GCH1: variants seen among roughly 807,000 people sequenced by gnomAD.
GCH1 encodes GTP cyclohydrolase 1.
Under a neutral mutation model 25.9 loss-of-function variants are expected in GCH1, and 5 were observed. The ratio of observed to expected loss-of-function variants is 0.19; its 90% CI spans 0.10 to 0.41. GCH1 has a LOEUF of 0.41. Among genes scored for constraint, GCH1 ranks in the 10% least tolerant of loss-of-function variants. The probability of loss-of-function intolerance (pLI) is 1.00; values close to 1 mark genes in which losing one functional copy is unlikely to be tolerated. For missense variants in GCH1, 261 were observed against 336.5 expected (o/e 0.78, Z 1.75); for synonymous variants, 159 against 129.6 (o/e 1.23, Z -1.54).
Position 54,897,941 on chromosome 14 carries a change from G to C in GCH1, c.343+4380C>G, listed in dbSNP as rs151159180. Among the ~76,000 whole-genome samples the C allele has an allele frequency of 3.5e-3, 529 of 152,366 alleles. 9 individuals carry two copies. Among genetic ancestry groups the C allele is most frequent in the Admixed American group, 0.029 (437 of 15,300 alleles). Reference sequence around the variant, plus strand: ...TCATATCGCAAACACTGAAGGAAGAGAGTGCTAACACAAACCTAGATGAGA... The same window carrying C: ...TCATATCGCAAACACTGAAGGAAGACAGTGCTAACACAAACCTAGATGAGA... On this transcript the variant is annotated intron_variant, in intron 1 of 5. Transcript: ENST00000491895.
At chr14:54,894,554 A>G (rs2040461289) in intron 1 of GCH1, among the ~76,000 whole-genome samples, 1 of 152,140 alleles carries the variant, frequency 6.6e-6, no homozygotes, top group East Asian at 1.9e-4. Flanking sequence ...ACGAGTACCA[A>G]CCTGAAGGCT....
chr14:54,859,894 T>A (rs2039868684), intron 2 of GCH1, among the ~76,000 whole-genome samples, 158 bp from the exon 3 acceptor site: 1 of 152,176 alleles, frequency 6.6e-6, no homozygotes, highest in African/African-American at 2.4e-5. Context: ...ACTTAGAAAA[T>A]GAAACATTTA....
chr14:54,900,805 T>C (rs759500647), intron 1 of GCH1, among the ~76,000 whole-genome samples: 8 of 149,816 alleles, frequency 5.3e-5, no homozygotes, highest in Admixed American at 6.7e-5. Context: ...GCAAAATGAG[T>C]AAGGCCTTAA....
rs890979460 is a variant in GCH1, at chr14:54,843,820, G to A, written c.*197C>T. ...CACTTTAATATTGCCACAAAAAGGT[G>A]GCAAGAAGAAAGTAGAGGGCTCAAC... On this transcript the variant is annotated 3_prime_UTR_variant, in exon 6 of 6. Coordinates refer to ENST00000491895, the MANE Select transcript of GCH1 (RefSeq NM_000161.3). 6.2e-7 allele frequency: 1 copy of A among 1,613,588 alleles called. No homozygotes were observed. Among genetic ancestry groups the A allele is most frequent in the Non-Finnish European group, 8.5e-7 (1 of 1,179,566 alleles).
At chr14:54,876,246 G>C (rs2040158279) in intron 1 of GCH1, among the ~76,000 whole-genome samples, 1 of 151,842 alleles carries the variant, frequency 6.6e-6, no homozygotes, top group African/African-American at 2.4e-5. Flanking sequence ...CTATTGCAAG[G>C]ACAAAAAGCA....
chr14:54,899,139 A>T (rs76618194), intron 1 of GCH1, among the ~76,000 whole-genome samples: 2,718 of 152,244 alleles, frequency 0.018, 58 homozygotes, highest in African/African-American at 0.053. Context: ...AATGTAATGC[A>T]TGATTATATT....
intron 2 of GCH1, among the ~76,000 whole-genome samples, chr14:54,860,572 A>C (rs529420239): frequency 1.6e-5 from 2 of 126,982 alleles, no homozygotes; most frequent in East Asian, 2.2e-4. Context: ...ATGGAGTCTC[A>C]CTCTGTCGCC....
Position 54,842,799 on chromosome 14 carries a change from G to A in GCH1, c.*1218C>T, listed in dbSNP as rs964613934. The A allele has an allele frequency of 2.5e-6, 1 of 404,986 alleles. No homozygotes were observed. The highest frequency in any genetic ancestry group is 2.1e-5 in the African/African-American group (1 of 48,610). The allele number at this position is 404,986 out of a possible 1,614,324, so 25.1% of individuals were successfully genotyped here. A position where few individuals can be genotyped will look rare whatever the true frequency, so the allele number is the denominator to read the frequency against. ...TAATTTGGCCCACGCTGCCCCAATG[G>A]AGGAAATTTTAAGATAATCATTAAT... On this transcript the variant is annotated 3_prime_UTR_variant, in exon 6 of 6. Transcript: ENST00000491895.
At chr14:54,900,065 A>G (rs938847027) in intron 1 of GCH1, among the ~76,000 whole-genome samples, 3 of 151,862 alleles carry the variant, frequency 2.0e-5, no homozygotes, top group African/African-American at 7.3e-5. Flanking sequence ...GGGTTTTCCC[A>G]TGTTGGCCAG....
chr14:54,885,762 G>A (rs746844686), intron 1 of GCH1, among the ~76,000 whole-genome samples: 6 of 152,196 alleles, frequency 3.9e-5, no homozygotes, highest in Non-Finnish European at 4.4e-5. Flanking sequence ...GGTGGAATGC[G>A]CCTGTAGTCC....
intron 1 of GCH1, chr14:54,886,000 G>A: frequency 7.5e-6 from 2 of 266,818 alleles, no homozygotes; most frequent in Non-Finnish European, 1.5e-5. Flanking sequence ...CCTGGGCTCT[G>A]CCAGCTCCTG....
chr14:54,862,179 G>A (rs1029316313), intron 2 of GCH1, among the ~76,000 whole-genome samples: 2 of 151,932 alleles, frequency 1.3e-5, no homozygotes, highest in Non-Finnish European at 2.9e-5. Flanking sequence ...CTACAGGTAT[G>A]CACCCACCAT....
chr14:54,883,406 G>C (rs1403792377), intron 1 of GCH1, among the ~76,000 whole-genome samples: 1 of 143,740 alleles, frequency 7.0e-6, no homozygotes, highest in Admixed American at 7.0e-5. Flanking sequence ...AAAGCCCGGT[G>C]CGGTGGCTCA....
intron 1 of GCH1, among the ~76,000 whole-genome samples, chr14:54,879,288 C>A (rs1595005509): frequency 6.6e-6 from 1 of 151,820 alleles, no homozygotes; most frequent in South Asian, 2.1e-4. Flanking sequence ...GGATGTGGTG[C>A]CATGCACCCG....
chr14:54,875,470 A>G (rs1330518505), intron 1 of GCH1, among the ~76,000 whole-genome samples: 1 of 152,252 alleles, frequency 6.6e-6, no homozygotes, highest in Non-Finnish European at 1.5e-5. Flanking sequence ...AAAATTGACA[A>G]AAGGGATCTA....
intron 2 of GCH1, among the ~76,000 whole-genome samples, chr14:54,860,932 C>T (rs562959617): frequency 1.3e-5 from 2 of 152,314 alleles, no homozygotes; most frequent in East Asian, 3.9e-4. Context: ...ACCCAATATA[C>T]AGCCAGGCCA....
At chr14:54,876,693 A>T (rs1460637777) in intron 1 of GCH1, among the ~76,000 whole-genome samples, 1 of 152,068 alleles carries the variant, frequency 6.6e-6, no homozygotes, top group Non-Finnish European at 1.5e-5. Context: ...AATAATTTTT[A>T]AAATTGTAGT....
chr14:54,859,284 C>A, intron 3 of GCH1: 1 of 244,678 alleles, frequency 4.1e-6, no homozygotes, highest in Non-Finnish European at 8.1e-6. Flanking sequence ...GGCCTGACAA[C>A]AAGTTCGACA....
At chr14:54,880,949 C>T (rs1449715497) in intron 1 of GCH1, among the ~76,000 whole-genome samples, 2 of 150,050 alleles carry the variant, frequency 1.3e-5, no homozygotes, top group African/African-American at 2.5e-5. Flanking sequence ...CTCAGCCTCC[C>T]GAGTAGCTGG....
Sources: gnomAD v4.1 joint callset for allele counts (sites outside exome capture counted in the v4.1 genomes callset) on GRCh38, gnomAD v4.1.1 for gene constraint, MANE v1.5 for transcripts, NCBI Gene and HGNC (gene_info 2026-07-23, HGNC 2026-07-21) for gene names.